FAM178B: variants seen among roughly 807,000 people sequenced by gnomAD.
FAM178B encodes the protein family with sequence similarity 178 member B.
In FAM178B, 82 loss-of-function variants were observed where a neutral mutation model predicts 91.7. The observed-to-expected ratio is 0.89, with a 90% CI of 0.75 to 1.07. The LOEUF is 1.07. Ranked by LOEUF, FAM178B falls within the 50% of genes least tolerant of loss-of-function variation. FAM178B has a pLI of 0.00. For missense variants in FAM178B, 769 were observed against 846.7 expected, an observed-to-expected ratio of 0.91 and a Z score of 1.14; for synonymous variants, 368 against 359.4, an observed-to-expected ratio of 1.02 and a Z score of -0.27.
intron 14 of FAM178B, among the ~76,000 whole-genome samples, chr2:96,878,979 A>T (rs2080313817): frequency 6.6e-6 from 1 of 152,160 alleles, no homozygotes. Context: ...GAGCGTCTGC[A>T]CATCTCGCCT....
intron 1 of FAM178B, among the ~76,000 whole-genome samples, chr2:96,983,317 A>G (rs1205455482): frequency 2.6e-5 from 4 of 152,232 alleles, no homozygotes; most frequent in African/African-American, 7.2e-5. Context: ...AACATATTGA[A>G]TATTTCTTAC....
At chr2:96,910,845 G>A (rs1351001473) in intron 12 of FAM178B, among the ~76,000 whole-genome samples, 2 of 147,670 alleles carry the variant, frequency 1.4e-5, no homozygotes, top group Non-Finnish European at 3.0e-5. Context: ...CGCCCAGGCT[G>A]GAGTGCAGTG....
At chr2:96,901,329 T>C (rs1291300253) in intron 13 of FAM178B, among the ~76,000 whole-genome samples, 6 of 151,838 alleles carry the variant, frequency 4.0e-5, no homozygotes, top group Non-Finnish European at 8.8e-5. Flanking sequence ...CCTGCCAGCA[T>C]GCCCGGCTAA....
At chr2:96,914,416 A>C (rs1286147067) in intron 12 of FAM178B, among the ~76,000 whole-genome samples, 1 of 152,184 alleles carries the variant, frequency 6.6e-6, no homozygotes, top group Non-Finnish European at 1.5e-5. Context: ...AGAAGAGCAG[A>C]GGGCAGGGCC....
chr2:96,943,235 A>G (rs1370041647), intron 8 of FAM178B, among the ~76,000 whole-genome samples: 2 of 152,234 alleles, frequency 1.3e-5, no homozygotes, highest in Non-Finnish European at 2.9e-5. Context: ...TGCAAATCAC[A>G]TATCTGGTAA....
chr2:96,986,290 C>A lies in FAM178B; in HGVS notation c.24G>T (p.Ala8=), dbSNP rs778772765. The A allele has an allele frequency of 1.2e-5, 18 of 1,534,204 alleles. No individual in the cohort carries two copies. Among genetic ancestry groups the A allele is most frequent in the Admixed American group, 7.8e-5 (4 of 50,972 alleles). Residue 8 remains alanine, a synonymous_variant, in exon 1 of 17, where the codon GCG becomes GCT. Transcript: ENST00000490605. The part of the protein sequence containing the change: MWPRLPG[A]GLAPQLRRQD... ...GCCTCCTGAGTTGTGGAGCGAGGCC[C>A]GCACCTGGAAGCCTTGGCCACATAG...
intron 8 of FAM178B, among the ~76,000 whole-genome samples, chr2:96,935,005 G>A (rs1284812138): frequency 6.6e-6 from 1 of 152,120 alleles, no homozygotes; most frequent in African/African-American, 2.4e-5. Context: ...CCTTTCCCCT[G>A]CCCTTCTGTA....
At chr2:96,958,315 C>T (rs997816761) in intron 6 of FAM178B, among the ~76,000 whole-genome samples, 2 of 152,108 alleles carry the variant, frequency 1.3e-5, no homozygotes, top group African/African-American at 2.4e-5. Flanking sequence ...CATGATCCGC[C>T]CGCCTCGGCC....
chr2:96,967,508 C>T lies in FAM178B; in HGVS notation c.734+12G>A, dbSNP rs1008941964. ...CCCCTTCGGAGGCTGGTGCCAGGCC[C>T]CTGCCCCTCACCTGTGCTCGGGTGT... On this transcript the variant is annotated intron_variant, in intron 5 of 16. Transcript: ENST00000490605. The T allele has an allele frequency of 2.9e-5, 44 of 1,523,790 alleles. No individual in the cohort carries two copies. Among genetic ancestry groups the T allele is most frequent in the Middle Eastern group, 3.4e-4 (2 of 5,968 alleles). The allele number at this position is 1,523,790 out of a possible 1,614,324, so 94.4% of individuals were successfully genotyped here. A position where few individuals can be genotyped will look rare whatever the true frequency, so the allele number is the denominator to read the frequency against.
intron 1 of FAM178B, among the ~76,000 whole-genome samples, chr2:96,984,454 A>G (rs1402034129): frequency 1.3e-5 from 2 of 152,150 alleles, no homozygotes; most frequent in Non-Finnish European, 2.9e-5. Flanking sequence ...AGTTTCTGTC[A>G]TAGGACAGAC....
In FAM178B at chr2:96,942,575, T is replaced by G. The variant is rs535846487; in HGVS notation, c.1078+5243A>C. On this transcript the variant is annotated intron_variant, in intron 8 of 16. Transcript: ENST00000490605. ...GCCCGGCTAATTTTTTTTTGTATTT[T>G]TAGTAGAGACGGGGTTTCACTGTGT... 5.3e-5 allele frequency among the ~76,000 whole-genome samples: 8 copies of G among 152,204 alleles called. No homozygotes were observed. The South Asian group carries it at 1.7e-3, about 32-fold the overall frequency.
intron 8 of FAM178B, among the ~76,000 whole-genome samples, chr2:96,942,438 G>A (rs2081748626): frequency 6.6e-6 from 1 of 152,212 alleles, no homozygotes; most frequent in Admixed American, 6.5e-5. Flanking sequence ...TGTCGCCCAG[G>A]CTGGAGTGCA....
rs559669586 is a variant in FAM178B, at chr2:96,960,913, G to A, written c.735-473C>T. On this transcript the variant is annotated intron_variant, in intron 5 of 16. Coordinates refer to ENST00000490605, the MANE Select transcript of FAM178B (RefSeq NM_001122646.3). ...GACGGCATCCTGGGAGGGGCAGGAA[G>A]GCTGGCAAGCAGGTGGCATGGGCGT... Among the ~76,000 whole-genome samples the A allele has an allele frequency of 2.5e-3, 386 of 152,302 alleles. 3 individuals carry two copies. Among genetic ancestry groups the A allele is most frequent in the African/African-American group, 8.5e-3 (355 of 41,570 alleles).
chr2:96,953,578 AT>A (rs2081958248), intron 6 of FAM178B, among the ~76,000 whole-genome samples: 2 of 152,216 alleles, frequency 1.3e-5, no homozygotes, highest in African/African-American at 4.8e-5. Flanking sequence ...TGCCAGAGAA[AT>A]GATTGATTGG....
chr2:96,946,278 G>A (rs532947617), intron 8 of FAM178B, among the ~76,000 whole-genome samples: 3 of 152,192 alleles, frequency 2.0e-5, no homozygotes, highest in Admixed American at 6.5e-5. Context: ...ATATTCCACT[G>A]TATGTATGTA....
intron 5 of FAM178B, among the ~76,000 whole-genome samples, chr2:96,964,530 C>T (rs1308291747): frequency 2.0e-5 from 3 of 152,166 alleles, no homozygotes; most frequent in African/African-American, 7.2e-5. Flanking sequence ...CCACCTCCTC[C>T]CCTGCAGCCC....
intron 14 of FAM178B, among the ~76,000 whole-genome samples, chr2:96,892,601 C>T (rs2080709209): frequency 6.6e-6 from 1 of 152,190 alleles, no homozygotes; most frequent in South Asian, 2.1e-4. Context: ...TGTCTTCTGC[C>T]ACCTGGATAG....
intron 14 of FAM178B, among the ~76,000 whole-genome samples, chr2:96,878,880 G>C (rs1177427303): frequency 1.3e-5 from 2 of 152,226 alleles, no homozygotes; most frequent in African/African-American, 4.8e-5. Context: ...TCTGTTCCCT[G>C]GGACACCAAA....
At chr2:96,930,316 CT>C (rs1477786027) in intron 8 of FAM178B, among the ~76,000 whole-genome samples, 1 of 146,818 alleles carries the variant, frequency 6.8e-6, no homozygotes, top group Admixed American at 6.8e-5. Flanking sequence ...TGTCAGACTA[CT>C]TAAGGACATT....
Sources: gnomAD v4.1 joint callset for allele counts (sites outside exome capture counted in the v4.1 genomes callset) on GRCh38, gnomAD v4.1.1 for gene constraint, MANE v1.5 for transcripts, NCBI Gene and HGNC (gene_info 2026-07-23, HGNC 2026-07-21) for gene names.